Variants in MUC5B observed in about 807,000 individuals in gnomAD.
MUC5B encodes the protein mucin 5B, oligomeric mucus/gel-forming.
MUC5B carries 116 observed loss-of-function variants against 376.9 expected under a neutral mutation model. The observed-to-expected ratio is 0.31, with a 90% CI of 0.26 to 0.36. MUC5B has a LOEUF of 0.36. Among genes scored for constraint, MUC5B ranks in the 10% least tolerant of loss-of-function variants. MUC5B has a pLI of 1.00. For missense variants in MUC5B, 7,165 were observed against 7,769.9 expected (o/e 0.92, Z 2.93); for synonymous variants, 3,517 against 3,390.9 (o/e 1.04, Z -1.29).
Position 1,258,061 on chromosome 11 carries a change from T to A in MUC5B, c.16451-38T>A. Reference sequence around the variant, plus strand: ...GGGAACAAGTGGTCGGGAGGAGGAGTGAGCAGCGCCCAGACAGTGGCCTCC... The same window carrying A: ...GGGAACAAGTGGTCGGGAGGAGGAGAGAGCAGCGCCCAGACAGTGGCCTCC... On this transcript the variant is annotated intron_variant, in intron 41 of 48. Transcript: ENST00000529681. The surrounding 1 kb of genome is among the most constrained non-coding windows in gnomAD (Gnocchi z 5.5). 1 of 1,523,012 alleles carries A rather than the reference T, an allele frequency of 6.6e-7. No individual in the cohort carries two copies. The highest frequency in any genetic ancestry group is 1.4e-5 in the African/African-American group (1 of 72,556). 94.3% of individuals were successfully genotyped at this position (1,523,012 alleles called of 1,614,324 possible).
rs774899332 is a variant in MUC5B at position 1,242,683 on chromosome 11, C to A, written c.5803C>A (p.Pro1935Thr). ...TPTSTLRTAP[P>T]PKVLTTTATT... is the part of the protein sequence containing the mutation. ...GACCTCCACCCTGAGAACAGCTCCC[C>A]CTCCCAAAGTGCTGACCACCACGGC... The change falls in exon 31 of 49, where the codon CCT becomes ACT. Residue 1935 changes from proline (P) to threonine (T), a missense_variant. Pro to Thr is a conservative substitution (Grantham distance 38). Coordinates refer to ENST00000529681, the MANE Select transcript of MUC5B (RefSeq NM_002458.3). The A allele has an allele frequency of 4.5e-6, 7 of 1,559,188 alleles. No homozygotes were observed. The highest frequency in any genetic ancestry group is 4.4e-5 in the South Asian group (4 of 90,572).
Position 1,259,821 on chromosome 11 carries a change from G to T in MUC5B, c.16779G>T (p.Thr5593=). ...AGTGCGTCCAGACCGCCTGCCTCAC[G>T]CCCGATGGCCAGCCAGTCCAGGTAA... The part of the protein sequence containing the change: ...CGECVQTACL[T]PDGQPVQLNE... Residue 5593 remains threonine (T), a synonymous_variant, in exon 45 of 49, where the codon ACG becomes ACT. Transcript: ENST00000529681. 6.2e-7 allele frequency: 1 copy of T among 1,612,390 alleles called. No homozygotes were observed. The highest frequency in any genetic ancestry group is 8.5e-7 in the Non-Finnish European group (1 of 1,179,678).
chr11:1,246,305 C>A lies in MUC5B; in HGVS notation c.9425C>A (p.Ala3142Asp), dbSNP rs772452469. Residue 3142 changes from alanine (A) to aspartate (D), a missense_variant, in exon 31 of 49, where the codon GCC becomes GAC. Ala to Asp is a moderately radical substitution (Grantham distance 126). Coordinates refer to ENST00000529681, the MANE Select transcript of MUC5B (RefSeq NM_002458.3). ...TWILTELTTAATTTAATGPTA... is the reference protein window; with the variant it reads ...TWILTELTTADTTTAATGPTA... Reference sequence around the variant, plus strand: ...ATCCTCACAGAGCTGACCACAGCAGCCACTACAACTGCAGCCACTGGCCCC... The same window carrying A: ...ATCCTCACAGAGCTGACCACAGCAGACACTACAACTGCAGCCACTGGCCCC... The A allele has an allele frequency of 1.9e-6, 3 of 1,601,390 alleles. No homozygotes were observed. The highest frequency in any genetic ancestry group is 2.2e-5 in the South Asian group (2 of 90,136).
rs772278516 is a variant in MUC5B, at chr11:1,261,591, G to T, written c.17272G>T (p.Glu5758Ter). ...ACACACCCGTGGCTTCCCGGCCCAG[G>T]AGGCCACTGCTGTCTGAGAACGTTC... ...PPHTRGFPAQ[E>*]ATAV Residue 5758 changes from glutamate to a stop codon, truncating the protein, a stop_gained, in exon 49 of 49, where the codon GAG becomes TAG. Transcript: ENST00000529681. LOFTEE classifies it low-confidence loss of function (END_TRUNC). 3 of 1,606,230 alleles carry T rather than the reference G, an allele frequency of 1.9e-6. No homozygotes were observed. The Admixed American group carries it at 5.1e-5, about 27-fold the overall frequency.
At position 1,234,336 on chromosome 11, in the gene MUC5B, A is replaced by C; in HGVS notation, c.2478+31A>C. The C allele has an allele frequency of 6.9e-5, 51 of 744,068 alleles. No homozygotes were observed. Among genetic ancestry groups the C allele is most frequent in the Non-Finnish European group, 1.1e-4 (48 of 440,500 alleles). 46.1% of individuals were successfully genotyped at this position (744,068 alleles called of 1,614,324 possible). A position where few individuals can be genotyped will look rare whatever the true frequency, so the allele number is the denominator to read the frequency against. The stretch of plus-strand genomic sequence containing the variant: ...TTCCATGCTTCAGGGAGGGGTGGGC[A>C]GGGAAGGGGTCCCAGCTTTCCCAGC... On this transcript the variant is annotated intron_variant, in intron 20 of 48. Transcript: ENST00000529681. The surrounding 1 kb of genome is among the most constrained non-coding windows in gnomAD (Gnocchi z 6.3).
intron 33 of MUC5B, 48 bp from the exon 34 acceptor site, chr11:1,254,044 G>A (rs117593061): frequency 0.029 from 46,586 of 1,582,084 alleles, 865 homozygotes; most frequent in Non-Finnish European, 0.033. Context: ...CCTGGGGAGC[G>A]AGGGCACCAC....
chr11:1,234,238 G>C lies in MUC5B; in HGVS notation c.2411G>C (p.Ser804Thr). The C allele has an allele frequency of 6.2e-7, 1 of 1,606,848 alleles. No individual in the cohort carries two copies. The stretch of plus-strand genomic sequence containing the variant: ...GCCCCCATGGTGTACCTGGACTGCA[G>C]CAACAGCTCGGCGGGCACCCCTGGG... ...CAAPMVYLDC[S>T]NSSAGTPGAE... Residue 804 changes from serine to threonine, a missense_variant, in exon 20 of 49, where the codon AGC becomes ACC. Physicochemically the swap from Ser to Thr is moderately conservative, Grantham distance 58. Coordinates refer to ENST00000529681, the MANE Select transcript of MUC5B (RefSeq NM_002458.3). This position sits in a 1 kb window ranked among gnomAD's most constrained non-coding sequence, Gnocchi z 6.3.
intron 23 of MUC5B, among the ~76,000 whole-genome samples, chr11:1,235,690 C>T (rs1245497442): frequency 1.3e-5 from 2 of 152,154 alleles, no homozygotes; most frequent in Non-Finnish European, 2.9e-5. Context: ...AGGCGGCAGG[C>T]GTCCCTGGGC....
At position 1,258,219 on chromosome 11, in the gene MUC5B, G is replaced by A. The variant is rs949222072; in HGVS notation, c.16555+16G>A. On this transcript the variant is annotated intron_variant, in intron 42 of 48. Coordinates refer to ENST00000529681, the MANE Select transcript of MUC5B (RefSeq NM_002458.3). This position sits in a 1 kb window ranked among gnomAD's most constrained non-coding sequence, Gnocchi z 5.5. ...TTCCGCTGCAGTGAGCGGGGCTGGG[G>A]CCGGGCTCCTGGGTGGCCTCTTGCT... 1.9e-6 allele frequency: 3 copies of A among 1,576,398 alleles called. No homozygotes were observed. The African/African-American group carries it at 4.0e-5, about 21-fold the overall frequency.
chr11:1,224,570 G>A (rs1359244274), intron 1 of MUC5B, among the ~76,000 whole-genome samples: 1 of 145,560 alleles, frequency 6.9e-6, no homozygotes, highest in Non-Finnish European at 1.5e-5. Context: ...GCTGCCTGGG[G>A]CTGGGGAGGG....
chr11:1,235,414 G>A lies in MUC5B; in HGVS notation c.2880+1G>A, dbSNP rs1862135041. On this transcript the variant is annotated splice_donor_variant, in intron 23 of 48. Coordinates refer to ENST00000529681, the MANE Select transcript of MUC5B (RefSeq NM_002458.3). LOFTEE classifies it high-confidence loss of function. ...CAAGGCCATCAAGCTCTTCGTGGAG[G>A]TGAGAACGGCCCCAGCTGTGAGCAC... is the stretch of plus-strand genomic sequence containing the variant. The A allele has an allele frequency of 1.2e-6, 2 of 1,610,514 alleles. No homozygotes were observed. The highest frequency in any genetic ancestry group is 1.7e-6 in the Non-Finnish European group (2 of 1,179,078).
chr11:1,254,990 C>A, intron 35 of MUC5B, 51 bp from the exon 36 acceptor site: 2 of 1,520,300 alleles, frequency 1.3e-6, no homozygotes, highest in Non-Finnish European at 1.8e-6. Context: ...GGGGTGGGGG[C>A]TGTGAAAGGC....
Position 1,247,910 on chromosome 11 carries a change from C to T in MUC5B, c.11030C>T (p.Thr3677Ile), listed in dbSNP as rs779563184. Residue 3677 changes from threonine (T) to isoleucine (I), a missense_variant, in exon 31 of 49, where the codon ACC (threonine) becomes ATC (isoleucine). Physicochemically the swap from Thr to Ile is moderately conservative, Grantham distance 89. This residue lies in a region of MUC5B where 90 missense variants were observed against 71.1 expected (regional missense o/e 1.27). Transcript: ENST00000529681. Reference sequence around the variant, plus strand: ...GGCCACTGCCCCAGCACCCCGGCCACCAGCTCTACGGCCACGCCCTCCTCA... The same window carrying T: ...GGCCACTGCCCCAGCACCCCGGCCATCAGCTCTACGGCCACGCCCTCCTCA... ...NYGHCPSTPA[T>I]SSTATPSSTP... 6.8e-6 allele frequency: 11 copies of T among 1,611,888 alleles called. No homozygotes were observed. The Admixed American group carries it at 1.8e-4, about 27-fold the overall frequency.
At chr11:1,233,667 C>A in intron 18 of MUC5B, 126 bp from the exon 19 acceptor site, 1 of 883,478 alleles carries the variant, frequency 1.1e-6, no homozygotes, top group South Asian at 1.5e-5. Flanking sequence ...CAGCAGGCAC[C>A]GTCTGGCCTT....
At position 1,257,848 on chromosome 11, in the gene MUC5B, G is replaced by T; in HGVS notation, c.16450+138G>T. The T allele has an allele frequency of 9.2e-7, 1 of 1,083,500 alleles. No individual in the cohort carries two copies. The highest frequency in any genetic ancestry group is 2.6e-5 in the East Asian group (1 of 38,362). 67.1% of individuals were successfully genotyped at this position (1,083,500 alleles called of 1,614,324 possible). A position where few individuals can be genotyped will look rare whatever the true frequency, so the allele number is the denominator to read the frequency against. On this transcript the variant is annotated intron_variant, in intron 41 of 48. Transcript: ENST00000529681. This position sits in a 1 kb window ranked among gnomAD's most constrained non-coding sequence, Gnocchi z 8.9. ...TGGCGTGACCGCGGCAGGACCACTC[G>T]GCAGAGATGGCCTCCAGGTGCTTCA... is the stretch of plus-strand genomic sequence containing the variant.
In MUC5B at chr11:1,253,655, C is replaced by T. The variant is rs1862760000; in HGVS notation, c.15218-437C>T. Among the ~76,000 whole-genome samples the T allele has an allele frequency of 6.6e-6, 1 of 152,116 alleles. No individual in the cohort carries two copies. The highest frequency in any genetic ancestry group is 1.5e-5 in the Non-Finnish European group (1 of 68,024). Reference sequence around the variant, plus strand: ...CTGCTGAGGGTCTGGGGAGGTCCTTCCTGCCTCTCCCAGCTTTGGGGACTC... The same window carrying T: ...CTGCTGAGGGTCTGGGGAGGTCCTTTCTGCCTCTCCCAGCTTTGGGGACTC... On this transcript the variant is annotated intron_variant, in intron 33 of 48. Transcript: ENST00000529681. The surrounding 1 kb of genome is among the most constrained non-coding windows in gnomAD (Gnocchi z 4.3).
intron 11 of MUC5B, among the ~76,000 whole-genome samples, 164 bp downstream of exon 11, chr11:1,230,307 C>A (rs55837315): frequency 3.0e-3 from 457 of 152,318 alleles, no homozygotes; most frequent in Non-Finnish European, 4.6e-3. Context: ...GCTCTCCCTG[C>A]TGAGCGGCAT....
chr11:1,239,711 G>T, intron 27 of MUC5B, 88 bp from the exon 28 acceptor site: 1 of 1,497,128 alleles, frequency 6.7e-7, no homozygotes, highest in Non-Finnish European at 8.9e-7. Context: ...CTGGCTGGTG[G>T]GGGGCGGCTA....
At position 1,226,811 on chromosome 11, in the gene MUC5B, T is replaced by A; in HGVS notation, c.396T>A (p.Val132=). The A allele has an allele frequency of 6.2e-7, 1 of 1,611,540 alleles. No individual in the cohort carries two copies. Among genetic ancestry groups the A allele is most frequent in the Admixed American group, 1.7e-5 (1 of 59,996 alleles). The change falls in exon 4 of 49, where the codon GTT becomes GTA. Residue 132 remains valine, a synonymous_variant. Transcript: ENST00000529681. ...LVGSRPVVTR[V]VIKAQGLVLE... ...GCTCCAGGCCTGTGGTCACCCGTGTTGTCATCAAGGCCCAGGGGCTGGTGC... is the reference window on the plus strand; with the variant it reads ...GCTCCAGGCCTGTGGTCACCCGTGTAGTCATCAAGGCCCAGGGGCTGGTGC...
Sources: gnomAD v4.1 joint callset for allele counts (sites outside exome capture counted in the v4.1 genomes callset) on GRCh38, gnomAD v4.1.1 for gene constraint, gnomAD v4.1.1 regional missense constraint, Gnocchi (gnomAD v3.1) non-coding constraint, MANE v1.5 for transcripts, NCBI Gene and HGNC (gene_info 2026-07-23, HGNC 2026-07-21) for gene names.